The following LPP variants were observed in gnomAD, a reference collection of about 807,000 sequenced individuals.
LPP encodes the protein LIM domain containing preferred translocation partner in lipoma, also known as lipoma-preferred partner.
LPP carries 38 observed loss-of-function variants against 60.4 expected under a neutral mutation model. The ratio of observed to expected loss-of-function variants is 0.63; its 90% CI spans 0.49 to 0.83. LPP has a LOEUF of 0.83. Ranked by LOEUF, LPP falls within the 40% of genes least tolerant of loss-of-function variation. The pLI is 0.00. For missense variants in LPP, 902 were observed against 783.6 expected (o/e 1.15, Z -1.80); for synonymous variants, 328 against 290.8 (o/e 1.13, Z -1.30).
chr3:188,794,828 T>A (rs1744850155), intron 9 of LPP, among the ~76,000 whole-genome samples: 1 of 151,702 alleles, frequency 6.6e-6, no homozygotes, highest in East Asian at 1.9e-4. Flanking sequence ...TAGGAATGGG[T>A]AGCTAGCCGT....
chr3:188,350,740 C>T (rs1765620188), intron 3 of LPP, among the ~76,000 whole-genome samples: 1 of 152,124 alleles, frequency 6.6e-6, no homozygotes, highest in African/African-American at 2.4e-5. Flanking sequence ...GTCCACAGAG[C>T]ATTATGATGA....
At chr3:188,301,549 T>C (rs1560219554) in intron 2 of LPP, among the ~76,000 whole-genome samples, 1 of 152,224 alleles carries the variant, frequency 6.6e-6, no homozygotes. Flanking sequence ...TTCAGAGTAG[T>C]TCTCTTTTAA....
intron 2 of LPP, among the ~76,000 whole-genome samples, chr3:188,263,498 G>A (rs1296983809): frequency 6.6e-6 from 1 of 152,166 alleles, no homozygotes; most frequent in African/African-American, 2.4e-5. Context: ...GACATTGATA[G>A]GCTGTGGAGA....
At chr3:188,859,638 C>T (rs1292760170) in intron 9 of LPP, among the ~76,000 whole-genome samples, 1 of 152,192 alleles carries the variant, frequency 6.6e-6, no homozygotes, top group East Asian at 1.9e-4. Flanking sequence ...AGTGAGGAGG[C>T]AGCTCTGCTC....
At chr3:188,260,741 A>G (rs1264071382) in intron 2 of LPP, among the ~76,000 whole-genome samples, 5 of 152,084 alleles carry the variant, frequency 3.3e-5, no homozygotes, top group Non-Finnish European at 7.4e-5. Flanking sequence ...TTAAAAAGAA[A>G]GTGTTTCTGG....
intron 4 of LPP, among the ~76,000 whole-genome samples, chr3:188,441,777 C>T (rs529925682): frequency 7.8e-4 from 118 of 151,596 alleles, no homozygotes; most frequent in African/African-American, 2.6e-3. Context: ...CCCGCCACCA[C>T]GCCCGGCTAA....
At chr3:188,388,763 A>G (rs1778965696) in intron 3 of LPP, among the ~76,000 whole-genome samples, 1 of 152,216 alleles carries the variant, frequency 6.6e-6, no homozygotes, top group East Asian at 1.9e-4. Flanking sequence ...TTATATCTGT[A>G]GTAACTGAAA....
At position 188,176,840 on chromosome 3, in the gene LPP, T is replaced by C. The variant is rs373628008; in HGVS notation, c.-190+22588T>C. ...CATGCACCAGTGGCTTCTTGAGCAG[T>C]ATGATAGAGAGAGACAGCTGAGATT... is the stretch of plus-strand genomic sequence containing the variant. On this transcript the variant is annotated intron_variant, in intron 1 of 11. Coordinates refer to ENST00000617246, the MANE Select transcript of LPP (RefSeq NM_001375462.1). Among the ~76,000 whole-genome samples, 60 of 152,270 alleles carry C rather than the reference T, an allele frequency of 3.9e-4. 1 individual carries two copies. In the South Asian group the frequency reaches 5.0e-3, roughly 13 times the overall value.
chr3:188,694,764 C>CT (rs1372629541), intron 7 of LPP, among the ~76,000 whole-genome samples: 4 of 151,992 alleles, frequency 2.6e-5, no homozygotes, highest in African/African-American at 9.7e-5. Context: ...CTCAGACCAC[C>CT]TGCATCAGAA....
chr3:188,289,355 G>A (rs924952724), intron 2 of LPP, among the ~76,000 whole-genome samples: 3 of 152,140 alleles, frequency 2.0e-5, no homozygotes, highest in Non-Finnish European at 2.9e-5. Context: ...GAATATTCTA[G>A]AACAGGAACT....
intron 9 of LPP, among the ~76,000 whole-genome samples, chr3:188,791,617 T>C (rs185066905): frequency 9.2e-5 from 14 of 152,240 alleles, no homozygotes; most frequent in Admixed American, 9.2e-4. Flanking sequence ...CATTGCACCA[T>C]GATTAGTCTA....
chr3:188,373,043 T>A (rs1337879669), intron 3 of LPP, among the ~76,000 whole-genome samples: 1 of 5,086 alleles, frequency 2.0e-4, no homozygotes, highest in Non-Finnish European at 0.022. Context: ...GAACTCATCA[T>A]TTTTATGGCT....
chr3:188,812,271 A>G (rs984521382), intron 9 of LPP, among the ~76,000 whole-genome samples: 16 of 152,176 alleles, frequency 1.1e-4, no homozygotes, highest in Non-Finnish European at 2.1e-4. Flanking sequence ...TCCTCACTAC[A>G]ATGCTCCCCA....
chr3:188,587,229 G>C (rs376809025), intron 6 of LPP, among the ~76,000 whole-genome samples: 7,497 of 11,554 alleles, frequency 0.65, 3,641 homozygotes, highest in Middle Eastern at 1. Flanking sequence ...TGTAGTCCCA[G>C]CTACTCGGGA....
At chr3:188,195,414 G>A (rs1284517758) in intron 1 of LPP, among the ~76,000 whole-genome samples, 1 of 152,158 alleles carries the variant, frequency 6.6e-6, no homozygotes. Context: ...TTAAAGTACT[G>A]TATAGTTGAT....
At chr3:188,211,725 C>T (rs886889492) in intron 1 of LPP, among the ~76,000 whole-genome samples, 2 of 152,118 alleles carry the variant, frequency 1.3e-5, no homozygotes, top group East Asian at 1.9e-4. Context: ...TCTTCCAGCC[C>T]GGTGTCTGTG....
chr3:188,665,181 G>C (rs1321560527), intron 7 of LPP, among the ~76,000 whole-genome samples: 2 of 152,152 alleles, frequency 1.3e-5, no homozygotes, highest in African/African-American at 4.8e-5. Context: ...TAATGAAATT[G>C]AATGTTGGTA....
At chr3:188,571,022 T>C (rs553263377) in intron 6 of LPP, among the ~76,000 whole-genome samples, 2 of 152,266 alleles carry the variant, frequency 1.3e-5, no homozygotes, top group South Asian at 4.1e-4. Flanking sequence ...AGCTTTGTAT[T>C]GTACCTCCCA....
At chr3:188,389,351 G>T (rs574724639) in intron 3 of LPP, among the ~76,000 whole-genome samples, 1 of 152,134 alleles carries the variant, frequency 6.6e-6, no homozygotes, top group Non-Finnish European at 1.5e-5. Context: ...GTGCCCAAGG[G>T]CCTGGGACTT....
Sources: gnomAD v4.1 joint callset for allele counts (sites outside exome capture counted in the v4.1 genomes callset) on GRCh38, gnomAD v4.1.1 for gene constraint, MANE v1.5 for transcripts, NCBI Gene and HGNC (gene_info 2026-07-23, HGNC 2026-07-21) for gene names.